The following CCZ1 variants were observed in gnomAD, a reference collection of about 807,000 sequenced individuals.
CCZ1 encodes the protein CCZ1 vacuolar protein trafficking and biogenesis associated.
In CCZ1, 19 loss-of-function variants were observed where a neutral mutation model predicts 57.8. The ratio of observed to expected loss-of-function variants is 0.33; its 90% CI spans 0.23 to 0.48. The LOEUF (loss-of-function observed/expected upper bound fraction) is 0.48, where lower values mean the gene tolerates loss of function less well. CCZ1 is among the 20% of genes least tolerant of loss of function. The pLI is 0.99. For synonymous variants in CCZ1, 81 were observed against 167.0 expected (o/e 0.49, Z 3.97); for missense variants, 200 against 492.0 (o/e 0.41, Z 5.61).
intron 7 of CCZ1, among the ~76,000 whole-genome samples, chr7:5,905,783 A>C (rs1781798958): frequency 1.5e-5 from 1 of 68,552 alleles, no homozygotes; most frequent in Non-Finnish European, 2.7e-5. Flanking sequence ...TCTGTCTCCA[A>C]AAAAAAAAAA....
At position 5,905,053 on chromosome 7, in the gene CCZ1, G is replaced by C; in HGVS notation, c.523-41G>C. 5 of 1,565,896 alleles carry C rather than the reference G, an allele frequency of 3.2e-6. 1 individual carries two copies. Among genetic ancestry groups the C allele is most frequent in the Non-Finnish European group, 4.3e-6 (5 of 1,151,714 alleles). ...GTTATCAAGGAGCATTATATTCAGTGTACTATTAGTAAATTTTATGCCTTA... is the reference window on the plus strand; with the variant it reads ...GTTATCAAGGAGCATTATATTCAGTCTACTATTAGTAAATTTTATGCCTTA... On this transcript the variant is annotated intron_variant, in intron 6 of 14. Coordinates refer to ENST00000325974, the MANE Select transcript of CCZ1 (RefSeq NM_015622.6).
chr7:5,902,894 A>C, intron 6 of CCZ1, 150 bp downstream of exon 6: 1 of 1,048,334 alleles, frequency 9.5e-7, no homozygotes, highest in South Asian at 1.9e-5. Flanking sequence ...AAACTGGAGC[A>C]GCGAGGAAAC....
At chr7:5,916,585 G>A (rs1432806018) in intron 10 of CCZ1, among the ~76,000 whole-genome samples, 1 of 145,528 alleles carries the variant, frequency 6.9e-6, no homozygotes, top group Non-Finnish European at 1.5e-5. Context: ...CTCCCGTTGG[G>A]GTCATGTGGA....
intron 10 of CCZ1, among the ~76,000 whole-genome samples, chr7:5,914,190 T>A (rs1301966651): frequency 1.6e-4 from 23 of 147,724 alleles, no homozygotes; most frequent in Non-Finnish European, 5.9e-5. Flanking sequence ...CCCAGCACTT[T>A]GGGAGGCCAA....
chr7:5,920,487 T>TTTTGG (rs1360301005), intron 12 of CCZ1, among the ~76,000 whole-genome samples: 1 of 117,396 alleles, frequency 8.5e-6, no homozygotes, highest in East Asian at 2.4e-4. Flanking sequence ...TTTTTTTTTT[T>TTTTGG]GAGACAAATT....
intron 10 of CCZ1, among the ~76,000 whole-genome samples, chr7:5,913,266 G>T (rs1235179135): frequency 1.5e-5 from 2 of 136,076 alleles, no homozygotes; most frequent in Admixed American, 7.5e-5. Flanking sequence ...GGCTCTGGAT[G>T]GGGGCCGTAG....
chr7:5,906,843 C>T (rs533209247), intron 7 of CCZ1, among the ~76,000 whole-genome samples: 2 of 150,530 alleles, frequency 1.3e-5, no homozygotes, highest in African/African-American at 5.0e-5. Flanking sequence ...AGGAAGACAA[C>T]AGAAATTTCG....
chr7:5,908,380 A>AT (rs5882075), intron 7 of CCZ1, among the ~76,000 whole-genome samples: 5,806 of 135,540 alleles, frequency 0.043, 314 homozygotes, highest in Non-Finnish European at 0.048. Flanking sequence ...TATTGCTTTG[A>AT]TTTTTTTTTT....
intron 7 of CCZ1, among the ~76,000 whole-genome samples, chr7:5,908,509 G>T (rs1781888957): frequency 6.8e-6 from 1 of 147,980 alleles, no homozygotes; most frequent in Non-Finnish European, 1.5e-5. Flanking sequence ...CTCCCAAGTA[G>T]CTGGGATTAG....
At position 5,902,763 on chromosome 7, in the gene CCZ1, A is replaced by G. The variant is rs1583181259; in HGVS notation, c.522+19A>G. ...CCATCGGGTAAGTATTTTGAATTTC[A>G]TTTATAACTTTAGTAAGCATTCAGC... On this transcript the variant is annotated intron_variant, in intron 6 of 14. Coordinates refer to ENST00000325974, the MANE Select transcript of CCZ1 (RefSeq NM_015622.6). 6.3e-7 allele frequency: 1 copy of G among 1,588,664 alleles called. No individual in the cohort carries two copies. Among genetic ancestry groups the G allele is most frequent in the Non-Finnish European group, 8.5e-7 (1 of 1,174,978 alleles).
At position 5,902,787 on chromosome 7, in the gene CCZ1, G is replaced by A. The variant is rs148245834; in HGVS notation, c.522+43G>A. ...CATTTATAACTTTAGTAAGCATTCA[G>A]CAGGTTTTTAGAGAAATATAGACAG... On this transcript the variant is annotated intron_variant, in intron 6 of 14. Coordinates refer to ENST00000325974, the MANE Select transcript of CCZ1 (RefSeq NM_015622.6). 31 of 1,528,162 alleles carry A rather than the reference G, an allele frequency of 2.0e-5. 1 individual carries two copies. The highest frequency in any genetic ancestry group is 2.7e-5 in the Non-Finnish European group (31 of 1,144,314). The allele number at this position is 1,528,162 out of a possible 1,614,324, so 94.7% of individuals were successfully genotyped here.
chr7:5,911,145 G>A (rs1156668787), intron 8 of CCZ1, among the ~76,000 whole-genome samples: 8 of 149,120 alleles, frequency 5.4e-5, no homozygotes, highest in Admixed American at 3.3e-4. Context: ...CTAATTTTCA[G>A]TAGATGTTTT....
intron 7 of CCZ1, among the ~76,000 whole-genome samples, chr7:5,906,693 G>A (rs1318246920): frequency 2.0e-5 from 3 of 149,370 alleles, no homozygotes. Context: ...AATAGAAAAG[G>A]CAAAACTAGT....
At chr7:5,909,106 C>CT (rs10645268) in intron 7 of CCZ1, among the ~76,000 whole-genome samples, 37,305 of 140,296 alleles carry the variant, frequency 0.27, 5,812 homozygotes, top group Middle Eastern at 0.35. Context: ...TCCCTTGTGA[C>CT]TTTTTTTTTT....
At chr7:5,912,507 C>T (rs1476877185) in intron 9 of CCZ1, among the ~76,000 whole-genome samples, 1 of 142,952 alleles carries the variant, frequency 7.0e-6, no homozygotes. Context: ...TCAAGCAATT[C>T]CCCTGCCTCA....
At chr7:5,909,818 A>G (rs1345783590) in intron 7 of CCZ1, among the ~76,000 whole-genome samples, 1 of 151,102 alleles carries the variant, frequency 6.6e-6, no homozygotes, top group Non-Finnish European at 1.5e-5. Flanking sequence ...CAATGCTAAG[A>G]ATTATGTTTA....
At chr7:5,902,972 C>A (rs150498434) in intron 6 of CCZ1, among the ~76,000 whole-genome samples, 22,605 of 143,772 alleles carry the variant, frequency 0.16, 2,490 homozygotes, top group Non-Finnish European at 0.18. Flanking sequence ...TGCGTTTGCC[C>A]GGGGCTCTTA....
At chr7:5,901,008 G>A (rs1393402925) in intron 4 of CCZ1, 76 bp downstream of exon 4, 44 of 827,548 alleles carry the variant, frequency 5.3e-5, no homozygotes, top group African/African-American at 9.5e-5. Context: ...TTACTTGGTC[G>A]GATTTAAACT....
At position 5,911,353 on chromosome 7, in the gene CCZ1, A is replaced by T. The variant is rs528856654; in HGVS notation, c.781-508A>T. ...CCTGCTTTCCAAGTTTTTTTTTAAG[A>T]GACGAGGTCTCACTTTGTTGACTCG... On this transcript the variant is annotated intron_variant, in intron 8 of 14. Transcript: ENST00000325974. 5.4e-5 allele frequency among the ~76,000 whole-genome samples: 8 copies of T among 148,856 alleles called. 2 individuals are homozygous for T. In the East Asian group the frequency reaches 1.5e-3, roughly 29 times the overall value.
Sources: allele counts gnomAD v4.1 joint callset (sites outside exome capture counted in the v4.1 genomes callset), GRCh38; gene constraint gnomAD v4.1.1; transcripts MANE v1.5; gene names NCBI Gene and HGNC (gene_info 2026-07-23, HGNC 2026-07-21).